IGSF21: variants seen among roughly 807,000 people sequenced by gnomAD.
IGSF21 encodes the protein immunoglobin superfamily member 21, also known as immunoglobulin superfamily member 21.
IGSF21 carries 28 observed loss-of-function variants against 46.8 expected under a neutral mutation model. The observed-to-expected ratio is 0.60, with a 90% CI of 0.44 to 0.82. The LOEUF is 0.82. IGSF21 is among the 40% of genes least tolerant of loss of function. The pLI is 0.00. For missense variants in IGSF21, 624 were observed against 665.5 expected (o/e 0.94, Z 0.69); for synonymous variants, 284 against 273.6 (o/e 1.04, Z -0.38).
intron 3 of IGSF21, among the ~76,000 whole-genome samples, chr1:18,320,035 A>G (rs2085585574): frequency 6.6e-6 from 1 of 152,210 alleles, no homozygotes; most frequent in Non-Finnish European, 1.5e-5. Context: ...GGATGCATGA[A>G]TGACCAGATA....
Position 18,108,071 on chromosome 1 carries a change from C to T in IGSF21, c.-58C>T, listed in dbSNP as rs2086107611. The T allele has an allele frequency of 1.2e-6, 1 of 842,488 alleles. No homozygotes were observed. Among genetic ancestry groups the T allele is most frequent in the African/African-American group, 1.8e-5 (1 of 54,952 alleles). 52.2% of individuals were successfully genotyped at this position (842,488 alleles called of 1,614,324 possible). A position where few individuals can be genotyped will look rare whatever the true frequency, so the allele number is the denominator to read the frequency against. On this transcript the variant is annotated 5_prime_UTR_variant, in exon 1 of 10. Transcript: ENST00000251296. Reference sequence around the variant, plus strand: ...CGCGTCTGAGCCCATGGCGAGGGGACCCGCCGCCACCGCCTCCACCCCCGC... The same window carrying T: ...CGCGTCTGAGCCCATGGCGAGGGGATCCGCCGCCACCGCCTCCACCCCCGC...
chr1:18,264,155 C>T (rs373380946), intron 2 of IGSF21, among the ~76,000 whole-genome samples: 2 of 152,224 alleles, frequency 1.3e-5, no homozygotes, highest in South Asian at 2.1e-4. Context: ...ATCTTAAATT[C>T]CCAGGAGTCT....
At chr1:18,142,848 T>G (rs1006614935) in intron 1 of IGSF21, among the ~76,000 whole-genome samples, 1 of 152,116 alleles carries the variant, frequency 6.6e-6, no homozygotes, top group Non-Finnish European at 1.5e-5. Flanking sequence ...AGATGGGAGA[T>G]GCAGCAAGCA....
chr1:18,250,623 A>T (rs755532027), intron 2 of IGSF21, among the ~76,000 whole-genome samples: 3 of 152,160 alleles, frequency 2.0e-5, no homozygotes, highest in Non-Finnish European at 4.4e-5. Context: ...CCAGGTAGTT[A>T]AAGCCAGGTT....
intron 4 of IGSF21, among the ~76,000 whole-genome samples, chr1:18,340,150 T>C (rs532932958): frequency 6.6e-6 from 1 of 152,280 alleles, no homozygotes; most frequent in East Asian, 1.9e-4. Context: ...TAACATATAT[T>C]TATTGAGCAC....
At chr1:18,307,852 C>T (rs1013358663) in intron 3 of IGSF21, among the ~76,000 whole-genome samples, 2 of 152,196 alleles carry the variant, frequency 1.3e-5, no homozygotes, top group African/African-American at 2.4e-5. Flanking sequence ...GCCAGCATCT[C>T]GTGCACAGTC....
At chr1:18,132,041 AC>A (rs1400522152) in intron 1 of IGSF21, among the ~76,000 whole-genome samples, 4 of 152,114 alleles carry the variant, frequency 2.6e-5, no homozygotes, top group Non-Finnish European at 4.4e-5. Flanking sequence ...TGCCTGCTTT[AC>A]CCCTTCTGTG....
At chr1:18,139,622 T>A (rs1292471953) in intron 1 of IGSF21, among the ~76,000 whole-genome samples, 1 of 152,230 alleles carries the variant, frequency 6.6e-6, no homozygotes, top group Non-Finnish European at 1.5e-5. Context: ...GGGACAGGTC[T>A]CTGGGTTTGA....
intron 6 of IGSF21, among the ~76,000 whole-genome samples, chr1:18,366,049 G>T (rs576456929): frequency 1.3e-5 from 2 of 151,790 alleles, no homozygotes; most frequent in African/African-American, 4.8e-5. Flanking sequence ...CTTCTGGAAG[G>T]GTCAGAAACA....
At chr1:18,374,426 T>C (rs1033929777) in intron 6 of IGSF21, among the ~76,000 whole-genome samples, 1 of 152,172 alleles carries the variant, frequency 6.6e-6, no homozygotes, top group African/African-American at 2.4e-5. Context: ...AGGGGTATCA[T>C]TGTTCCCATG....
intron 1 of IGSF21, chr1:18,114,749 C>T (rs2124401081): frequency 6.6e-6 from 1 of 152,290 alleles, no homozygotes; most frequent in South Asian, 2.1e-4. Flanking sequence ...AAATGAGGCC[C>T]AGGAAGATGA....
chr1:18,365,575 C>A lies in IGSF21; in HGVS notation c.893C>A (p.Thr298Asn). 6.2e-7 allele frequency: 1 copy of A among 1,614,186 alleles called. No individual in the cohort carries two copies. The highest frequency in any genetic ancestry group is 1.3e-5 in the African/African-American group (1 of 75,050). ...RHSRTPSSDG[T>N]VEVRALLTWT... is the part of the protein sequence containing the mutation. ...AGCCGCACCCCGAGCAGTGACGGCA[C>A]TGTGGAAGTACGTGCCCTGCTCACC... The change falls in exon 6 of 10, where the codon ACT becomes AAT. Residue 298 changes from threonine (T) to asparagine (N), a missense_variant. Thr to Asn is a moderately conservative substitution (Grantham distance 65, BLOSUM62 0). Coordinates refer to ENST00000251296, the MANE Select transcript of IGSF21 (RefSeq NM_032880.5). This position sits in a 1 kb window ranked among gnomAD's most constrained non-coding sequence, Gnocchi z 4.8.
chr1:18,221,348 A>G (rs893313107), intron 1 of IGSF21, among the ~76,000 whole-genome samples: 1 of 152,166 alleles, frequency 6.6e-6, no homozygotes, highest in African/African-American at 2.4e-5. Context: ...AGATAGGGAC[A>G]TGTGGTGACT....
Position 18,108,070 on chromosome 1 carries a change from A to G in IGSF21, c.-59A>G. On this transcript the variant is annotated 5_prime_UTR_variant, in exon 1 of 10. Coordinates refer to ENST00000251296, the MANE Select transcript of IGSF21 (RefSeq NM_032880.5). ...GCGCGTCTGAGCCCATGGCGAGGGG[A>G]CCCGCCGCCACCGCCTCCACCCCCG... 1 of 802,736 alleles carries G rather than the reference A, an allele frequency of 1.2e-6. No individual in the cohort carries two copies. Among genetic ancestry groups the G allele is most frequent in the Non-Finnish European group, 1.8e-6 (1 of 564,416 alleles). 49.7% of individuals were successfully genotyped at this position (802,736 alleles called of 1,614,324 possible).
intron 4 of IGSF21, among the ~76,000 whole-genome samples, chr1:18,360,267 A>G (rs2086085588): frequency 6.6e-6 from 1 of 152,160 alleles, no homozygotes; most frequent in Admixed American, 6.5e-5. Flanking sequence ...CATCTGTTTT[A>G]TGCGATCTTA....
chr1:18,251,357 C>A (rs2124527336), intron 2 of IGSF21, among the ~76,000 whole-genome samples: 1 of 152,244 alleles, frequency 6.6e-6, no homozygotes, highest in East Asian at 1.9e-4. Context: ...ACAAAATAAT[C>A]CTCAAATCTC....
chr1:18,359,338 A>AAAGAAAGAAAGAAAGAAAG lies in IGSF21; in HGVS notation c.425-2775_425-2774insGAAAGAAAGAAAGAAAGAA, dbSNP rs1557659426. 4.5e-3 allele frequency among the ~76,000 whole-genome samples: 160 copies of AAAGAAAGAAAGAAAGAAAG among 35,280 alleles called. 10 individuals carry two copies. The highest frequency in any genetic ancestry group is 7.2e-3 in the Admixed American group (20 of 2,780). 23.1% of individuals were successfully genotyped at this position (35,280 alleles called of 152,430 possible). A position where few individuals can be genotyped will look rare whatever the true frequency, so the allele number is the denominator to read the frequency against. On this transcript the variant is annotated intron_variant, in intron 4 of 9. Transcript: ENST00000251296. ...AAAGAGAGAGAGAGAAAGAGAAAGA[A>AAAGAAAGAAAGAAAGAAAG]AAAGAAAGAAAGAAAGAAAGAAAGA...
At chr1:18,208,143 A>C (rs2084350815) in intron 1 of IGSF21, among the ~76,000 whole-genome samples, 1 of 151,640 alleles carries the variant, frequency 6.6e-6, no homozygotes, top group Non-Finnish European at 1.5e-5. Flanking sequence ...TGGAAGGAAT[A>C]GCACAGATGC....
In IGSF21 at chr1:18,337,161, C is replaced by T. The variant is rs2085777629; in HGVS notation, c.424+2151C>T. ...TCCCAGCTCTGACACTTCTGAGTCC[C>T]TTACTCCATCCACTAGGTGAGGAAA... On this transcript the variant is annotated intron_variant, in intron 4 of 9. Coordinates refer to ENST00000251296, the MANE Select transcript of IGSF21 (RefSeq NM_032880.5). The surrounding 1 kb of genome is among the most constrained non-coding windows in gnomAD (Gnocchi z 5.7). 6.6e-6 allele frequency among the ~76,000 whole-genome samples: 1 copy of T among 152,148 alleles called. No homozygotes were observed. Among genetic ancestry groups the T allele is most frequent in the Non-Finnish European group, 1.5e-5 (1 of 68,028 alleles).
Sources: gnomAD v4.1 joint callset for allele counts (sites outside exome capture counted in the v4.1 genomes callset) on GRCh38, gnomAD v4.1.1 for gene constraint, Gnocchi (gnomAD v3.1) non-coding constraint, MANE v1.5 for transcripts, NCBI Gene and HGNC (gene_info 2026-07-23, HGNC 2026-07-21) for gene names.